The following EYA1 variants were observed in gnomAD, a reference collection of about 807,000 sequenced individuals.
EYA1 encodes the protein protein phosphatase EYA1.
Under a neutral mutation model 82.0 loss-of-function variants are expected in EYA1, and 16 were observed. That is an observed-to-expected ratio of 0.20 (90% confidence interval 0.13 to 0.30). The LOEUF (loss-of-function observed/expected upper bound fraction) is 0.30, where lower values mean the gene tolerates loss of function less well. Among genes scored for constraint, EYA1 ranks in the 10% least tolerant of loss-of-function variants. The pLI is 1.00. For synonymous variants in EYA1, 261 were observed against 264.4 expected (o/e 0.99, Z 0.12); for missense variants, 633 against 730.7 (o/e 0.87, Z 1.54).
intron 4 of EYA1, among the ~76,000 whole-genome samples, chr8:71,331,427 T>G (rs1048634340): frequency 6.6e-6 from 1 of 151,246 alleles, no homozygotes; most frequent in Non-Finnish European, 1.5e-5. Context: ...AGATTATCTC[T>G]TTGTAGCACA....
In EYA1 at chr8:71,198,788, TAAA is replaced by T. The variant is rs1806564015; in HGVS notation, c.*549_*551del. On this transcript the variant is annotated 3_prime_UTR_variant, in exon 18 of 18. Transcript: ENST00000340726. ...ATTGTCTCTTCAATTATTTGATGTT[TAAA>T]AAAGTCTGGTGGGTGAATTATACCT... 1 of 144,942 alleles carries T rather than the reference TAAA, an allele frequency of 6.9e-6. No individual in the cohort carries two copies. The highest frequency in any genetic ancestry group is 6.5e-5 in the Admixed American group (1 of 15,412). 9.0% of individuals were successfully genotyped at this position (144,942 alleles called of 1,614,324 possible).
chr8:71,379,254 C>T (rs1238242396), intron 2 of EYA1, among the ~76,000 whole-genome samples: 2 of 152,122 alleles, frequency 1.3e-5, no homozygotes, highest in Admixed American at 6.5e-5. Context: ...CCAGCCACAC[C>T]TGTACATACT....
chr8:71,363,381 C>A (rs954427085), upstream of EYA1, among the ~76,000 whole-genome samples: 1 of 152,246 alleles, frequency 6.6e-6, no homozygotes, highest in South Asian at 2.1e-4. Context: ...CCCCAACCAC[C>A]GAAAGTATGC....
At chr8:71,471,000 T>A in intron 2 of EYA1, 1 of 418,354 alleles carries the variant, frequency 2.4e-6, no homozygotes, top group South Asian at 1.7e-5. Context: ...TTTTCCCACA[T>A]CTTTAAAAAA....
intron 2 of EYA1, among the ~76,000 whole-genome samples, chr8:71,406,180 T>C (rs188266046): frequency 6.6e-6 from 1 of 152,134 alleles, no homozygotes; most frequent in Non-Finnish European, 1.5e-5. Flanking sequence ...TAAATGAAGA[T>C]AAAAGAGAGA....
intron 2 of EYA1, among the ~76,000 whole-genome samples, chr8:71,444,952 G>A (rs1378773544): frequency 2.0e-5 from 3 of 152,190 alleles, no homozygotes; most frequent in African/African-American, 7.2e-5. Flanking sequence ...AGCTAGAGAT[G>A]TTAATTCAAA....
chr8:71,233,084 C>T (rs1238030257), intron 12 of EYA1, among the ~76,000 whole-genome samples: 1 of 152,090 alleles, frequency 6.6e-6, no homozygotes, highest in African/African-American at 2.4e-5. Flanking sequence ...GCTAACAAAC[C>T]ACATAAACAA....
At chr8:71,411,939 T>C (rs1830613648) in intron 2 of EYA1, among the ~76,000 whole-genome samples, 1 of 151,128 alleles carries the variant, frequency 6.6e-6, no homozygotes, top group Admixed American at 6.6e-5. Context: ...CGTATGTTTA[T>C]TGCAGCATTA....
intron 15 of EYA1, 51 bp downstream of exon 15, chr8:71,215,563 C>T: frequency 6.2e-7 from 1 of 1,610,950 alleles, no homozygotes; most frequent in Non-Finnish European, 8.5e-7. Context: ...CCAAAATGAA[C>T]AAGCACGAGC....
intron 7 of EYA1, among the ~76,000 whole-genome samples, chr8:71,311,971 C>T (rs570596000): frequency 6.6e-6 from 1 of 152,234 alleles, no homozygotes; most frequent in Middle Eastern, 3.4e-3. Flanking sequence ...AAGGGTGATT[C>T]CAGAAGGATC....
chr8:71,370,214 T>C (rs1827999599), intron 2 of EYA1, among the ~76,000 whole-genome samples: 1 of 151,954 alleles, frequency 6.6e-6, no homozygotes, highest in Non-Finnish European at 1.5e-5. Context: ...AAAGAAACCC[T>C]ACACGTCCTG....
intron 2 of EYA1, among the ~76,000 whole-genome samples, chr8:71,534,370 A>G (rs903283215): frequency 1.3e-5 from 2 of 152,246 alleles, no homozygotes; most frequent in Non-Finnish European, 2.9e-5. Context: ...CATGATACGA[A>G]GTGATCTCAA....
At chr8:71,391,430 G>C (rs538868781) in intron 2 of EYA1, among the ~76,000 whole-genome samples, 1 of 152,228 alleles carries the variant, frequency 6.6e-6, no homozygotes, top group Admixed American at 6.5e-5. Flanking sequence ...CAAGATCTCT[G>C]TTATGTCAGG....
chr8:71,231,674 T>G (rs1480891275), intron 12 of EYA1, among the ~76,000 whole-genome samples: 1 of 152,252 alleles, frequency 6.6e-6, no homozygotes, highest in Admixed American at 6.5e-5. Context: ...CCTCAGTGCC[T>G]AGCTAGTGTC....
intron 7 of EYA1, among the ~76,000 whole-genome samples, chr8:71,302,153 C>A (rs995260431): frequency 3.7e-4 from 56 of 151,926 alleles, no homozygotes; most frequent in African/African-American, 1.3e-3. Flanking sequence ...GGTTATGATC[C>A]GTTACTTTCA....
At chr8:71,351,104 A>G (rs561328869) in intron 3 of EYA1, among the ~76,000 whole-genome samples, 14 of 152,170 alleles carry the variant, frequency 9.2e-5, no homozygotes, top group Non-Finnish European at 2.1e-4. Flanking sequence ...TGCTTTAACA[A>G]TAAAATACGT....
At chr8:71,359,264 A>G (rs1827168159) in intron 1 of EYA1, among the ~76,000 whole-genome samples, 1 of 152,162 alleles carries the variant, frequency 6.6e-6, no homozygotes, top group African/African-American at 2.4e-5. Context: ...AATTCTTCAC[A>G]GATGTAACTT....
At chr8:71,517,204 T>C (rs932704004) in intron 2 of EYA1, among the ~76,000 whole-genome samples, 2 of 152,022 alleles carry the variant, frequency 1.3e-5, no homozygotes, top group African/African-American at 2.4e-5. Flanking sequence ...AGATCTATAC[T>C]TTCAGGCCAG....
upstream of EYA1, among the ~76,000 whole-genome samples, chr8:71,364,939 CATATATATAT>C (rs34890892): frequency 0.17 from 14,883 of 88,020 alleles, 1,679 homozygotes; most frequent in Admixed American, 0.24. Flanking sequence ...AAGCAAATGT[CATATATATAT>C]ATATATATAT....
Sources: allele counts gnomAD v4.1 joint callset (sites outside exome capture counted in the v4.1 genomes callset), GRCh38; gene constraint gnomAD v4.1.1; transcripts MANE v1.5; gene names NCBI Gene and HGNC (gene_info 2026-07-23, HGNC 2026-07-21).